The following TRAPPC9 variants were observed in gnomAD, a reference collection of about 807,000 sequenced individuals.
TRAPPC9 encodes trafficking protein particle complex subunit 9.
Under a neutral mutation model 124.0 loss-of-function variants are expected in TRAPPC9, and 83 were observed. That is an observed-to-expected ratio of 0.67 (90% CI 0.56 to 0.80). The LOEUF is 0.80. Among genes scored for constraint, TRAPPC9 ranks in the 30% least tolerant of loss-of-function variants. The pLI is 0.00. For synonymous variants in TRAPPC9, 638 were observed against 617.5 expected (o/e 1.03, Z -0.49); for missense variants, 1,302 against 1,508.3 (o/e 0.86, Z 2.27).
intron 2 of TRAPPC9, among the ~76,000 whole-genome samples, chr8:140,448,153 A>G (rs75823312): frequency 2.1e-5 from 3 of 139,932 alleles, no homozygotes; most frequent in African/African-American, 5.4e-5. Flanking sequence ...CTCAAAAAAA[A>G]AAAAAAAAAA....
At chr8:139,970,072 C>A (rs953778532) in intron 19 of TRAPPC9, among the ~76,000 whole-genome samples, 1 of 152,242 alleles carries the variant, frequency 6.6e-6, no homozygotes, top group Non-Finnish European at 1.5e-5. Context: ...ACAGCCTGGT[C>A]ATAAACCACA....
chr8:140,358,588 C>G (rs1350091318), intron 9 of TRAPPC9, among the ~76,000 whole-genome samples: 1 of 152,206 alleles, frequency 6.6e-6, no homozygotes, highest in Non-Finnish European at 1.5e-5. Flanking sequence ...TGCTCAAAGA[C>G]AGAGAACAGC....
At chr8:140,033,667 T>TTTTTTTTTTTG (rs1840663267) in intron 17 of TRAPPC9, among the ~76,000 whole-genome samples, 1 of 68,512 alleles carries the variant, frequency 1.5e-5, no homozygotes, top group African/African-American at 1.2e-4. Context: ...GGTTTTTTTT[T>TTTTTTTTTTTG]TTTTTTTTTT....
Position 140,146,484 on chromosome 8 carries a change from A to T in TRAPPC9, c.2556+74975T>A, listed in dbSNP as rs1317145409. Reference sequence around the variant, plus strand: ...GCGTGCTGGGTGTGGGGAGGGTGGTATATGCATGTGATTGTGTGCATATAC... The same window carrying T: ...GCGTGCTGGGTGTGGGGAGGGTGGTTTATGCATGTGATTGTGTGCATATAC... On this transcript the variant is annotated intron_variant, in intron 17 of 22. Coordinates refer to ENST00000438773, the MANE Select transcript of TRAPPC9 (RefSeq NM_001160372.4). Among the ~76,000 whole-genome samples, 56 of 152,222 alleles carry T rather than the reference A, an allele frequency of 3.7e-4. 2 individuals are homozygous for T. Among genetic ancestry groups the T allele is most frequent in the Admixed American group, 3.7e-3 (56 of 15,290 alleles).
chr8:140,070,006 C>A (rs1409658568), intron 17 of TRAPPC9, among the ~76,000 whole-genome samples: 1 of 152,178 alleles, frequency 6.6e-6, no homozygotes, highest in Non-Finnish European at 1.5e-5. Flanking sequence ...ACCCAGGCCC[C>A]CGGCTAATGG....
At chr8:140,103,307 G>A (rs1029498188) in intron 17 of TRAPPC9, among the ~76,000 whole-genome samples, 5 of 152,156 alleles carry the variant, frequency 3.3e-5, no homozygotes, top group Admixed American at 3.3e-4. Flanking sequence ...TTCCTCATCT[G>A]TAAACCAGGA....
At chr8:140,125,556 T>A (rs13259700) in intron 17 of TRAPPC9, among the ~76,000 whole-genome samples, 35,693 of 149,916 alleles carry the variant, frequency 0.24, 5,312 homozygotes, top group Admixed American at 0.39. Flanking sequence ...ACATTCTAGG[T>A]CTTAGGCATG....
intron 17 of TRAPPC9, among the ~76,000 whole-genome samples, chr8:140,181,890 C>A (rs1342762802): frequency 6.6e-6 from 1 of 152,092 alleles, no homozygotes; most frequent in Non-Finnish European, 1.5e-5. Context: ...CTCTATGGAG[C>A]AGTTTTCTAC....
rs2068007980 is a variant in TRAPPC9 at position 140,363,217 on chromosome 8, C to A, written c.1352-3024G>T. 2.0e-5 allele frequency among the ~76,000 whole-genome samples: 3 copies of A among 152,314 alleles called. No homozygotes were observed. The South Asian group carries it at 6.2e-4, about 32-fold the overall frequency. ...CATGATCAAAAATCTTCATATACAGCAACACAAATAAGATTTAAATGATAC... is the reference window on the plus strand; with the variant it reads ...CATGATCAAAAATCTTCATATACAGAAACACAAATAAGATTTAAATGATAC... On this transcript the variant is annotated intron_variant, in intron 8 of 22. Transcript: ENST00000438773.
chr8:139,989,883 G>A (rs753983576), intron 18 of TRAPPC9, among the ~76,000 whole-genome samples: 6 of 152,308 alleles, frequency 3.9e-5, no homozygotes, highest in South Asian at 2.1e-4. Context: ...CAGACACCAA[G>A]TATCACAGTC....
chr8:140,096,474 G>A (rs769994353), intron 17 of TRAPPC9: 1 of 152,222 alleles, frequency 6.6e-6, no homozygotes, highest in Non-Finnish European at 1.5e-5. Context: ...TAATCCAAGT[G>A]AGTGTGAATG....
At chr8:140,086,540 C>G (rs1380490860) in intron 17 of TRAPPC9, among the ~76,000 whole-genome samples, 1 of 152,190 alleles carries the variant, frequency 6.6e-6, no homozygotes, top group Non-Finnish European at 1.5e-5. Flanking sequence ...GTCCCAGGCA[C>G]CCCATCCCGT....
chr8:140,005,870 C>A (rs1261098896), intron 18 of TRAPPC9, among the ~76,000 whole-genome samples: 1 of 148,992 alleles, frequency 6.7e-6, no homozygotes, highest in Admixed American at 6.7e-5. Flanking sequence ...CATGATCACA[C>A]CATTGTACTC....
intron 18 of TRAPPC9, among the ~76,000 whole-genome samples, chr8:140,010,935 A>G (rs1030073403): frequency 1.3e-5 from 2 of 152,200 alleles, no homozygotes; most frequent in Non-Finnish European, 2.9e-5. Context: ...AGAAGGGCAC[A>G]TGATCTGTAA....
intron 15 of TRAPPC9, among the ~76,000 whole-genome samples, chr8:140,267,222 A>C (rs2064701384): frequency 6.6e-6 from 1 of 152,248 alleles, no homozygotes; most frequent in South Asian, 2.1e-4. Context: ...CCCAGGTGTC[A>C]GGGATGGAAG....
chr8:140,278,688 G>A (rs938842987), intron 14 of TRAPPC9, among the ~76,000 whole-genome samples: 1 of 152,134 alleles, frequency 6.6e-6, no homozygotes, highest in Non-Finnish European at 1.5e-5. Flanking sequence ...CACAGGAGAT[G>A]CCATCAGGCC....
chr8:140,336,415 C>G (rs758421797), intron 9 of TRAPPC9, among the ~76,000 whole-genome samples: 1 of 152,120 alleles, frequency 6.6e-6, no homozygotes, highest in Non-Finnish European at 1.5e-5. Context: ...AACAGGGAGG[C>G]AAAGAAAGGC....
intron 21 of TRAPPC9, among the ~76,000 whole-genome samples, chr8:139,746,661 A>C (rs1012770321): frequency 1.3e-5 from 2 of 152,234 alleles, no homozygotes. Context: ...AGATATAAAC[A>C]TAATGAGGCT....
chr8:139,917,396 G>A (rs974805145), intron 19 of TRAPPC9, among the ~76,000 whole-genome samples: 1 of 151,718 alleles, frequency 6.6e-6, no homozygotes, highest in Non-Finnish European at 1.5e-5. Flanking sequence ...TAGCCCGGAT[G>A]GTCTCGATCT....
Sources: allele counts gnomAD v4.1 joint callset (sites outside exome capture counted in the v4.1 genomes callset), GRCh38; gene constraint gnomAD v4.1.1; transcripts MANE v1.5; gene names NCBI Gene and HGNC (gene_info 2026-07-23, HGNC 2026-07-21).